SATB1: variants seen among roughly 807,000 people sequenced by gnomAD.
SATB1 encodes the protein DNA-binding protein SATB1.
A neutral mutation model predicts 86.9 loss-of-function variants in SATB1; 11 were observed. That is an observed-to-expected ratio of 0.13 (90% CI 0.08 to 0.21). SATB1 has a LOEUF of 0.21. Among genes scored for constraint, SATB1 ranks in the 10% least tolerant of loss-of-function variants. SATB1 has a pLI of 1.00. For missense variants in SATB1, 551 were observed against 937.6 expected (o/e 0.59, Z 5.39); for synonymous variants, 357 against 357.2 (o/e 1.00, Z 0.01).
At chr3:18,393,565 C>T (rs1335776466) in intron 7 of SATB1, among the ~76,000 whole-genome samples, 2 of 152,228 alleles carry the variant, frequency 1.3e-5, no homozygotes, top group South Asian at 2.1e-4. Context: ...TAGATAGTAC[C>T]TTCACAGGAA....
chr3:18,382,121 G>C (rs1207586903), intron 8 of SATB1, among the ~76,000 whole-genome samples: 2 of 152,052 alleles, frequency 1.3e-5, no homozygotes, highest in African/African-American at 2.4e-5. Flanking sequence ...ATATCGTAGA[G>C]GGATTTCTTG....
At chr3:18,399,044 T>C (rs1470072679) in intron 5 of SATB1, among the ~76,000 whole-genome samples, 2 of 152,234 alleles carry the variant, frequency 1.3e-5, no homozygotes, top group South Asian at 2.1e-4. Flanking sequence ...GTTCTTCCAC[T>C]CTGGTCCAAT....
rs1407381807 is a variant in SATB1 at position 18,345,384 on chromosome 3, C to A, written c.*3786G>T. 1 of 152,026 alleles carries A rather than the reference C, an allele frequency of 6.6e-6. No homozygotes were observed. The highest frequency in any genetic ancestry group is 1.5e-5 in the Non-Finnish European group (1 of 67,910). 9.4% of individuals were successfully genotyped at this position (152,026 alleles called of 1,614,324 possible). A position where few individuals can be genotyped will look rare whatever the true frequency, so the allele number is the denominator to read the frequency against. ...TTAAAAATGTGGCTCATCTTTTAAA[C>A]ATTAATTTCAAACTATTTTTATTTA... is the stretch of plus-strand genomic sequence containing the variant. On this transcript the variant is annotated 3_prime_UTR_variant, in exon 11 of 11. Coordinates refer to ENST00000338745, the MANE Select transcript of SATB1 (RefSeq NM_002971.6).
At chr3:18,403,646 G>T (rs1347262257) in intron 5 of SATB1, among the ~76,000 whole-genome samples, 2 of 152,032 alleles carry the variant, frequency 1.3e-5, no homozygotes, top group African/African-American at 2.4e-5. Context: ...AATGCAAAAT[G>T]TGTATTTAAA....
rs908065870 is a variant in SATB1, at chr3:18,345,770, A to T, written c.*3400T>A. ...ATCAGCTGTATTAGAGGGAATACAC[A>T]TTTTAATTGCTCTTTTTGAAAATAT... On this transcript the variant is annotated 3_prime_UTR_variant, in exon 11 of 11. Transcript: ENST00000338745. The T allele has an allele frequency of 4.6e-5, 7 of 152,148 alleles. No individual in the cohort carries two copies. In the East Asian group the frequency reaches 1.3e-3, roughly 29 times the overall value. The allele number at this position is 152,148 out of a possible 1,614,324, so 9.4% of individuals were successfully genotyped here.
chr3:18,403,409 G>T (rs1013419273), intron 5 of SATB1, among the ~76,000 whole-genome samples: 1 of 152,002 alleles, frequency 6.6e-6, no homozygotes, highest in African/African-American at 2.4e-5. Context: ...TAAGGAATCT[G>T]AATATCTTTT....
chr3:18,370,186 G>C (rs1695395368), intron 9 of SATB1, among the ~76,000 whole-genome samples: 1 of 152,042 alleles, frequency 6.6e-6, no homozygotes, highest in Non-Finnish European at 1.5e-5. Context: ...CCAGAGAGGA[G>C]GAAATAAAAA....
At position 18,349,075 on chromosome 3, in the gene SATB1, T is replaced by C. The variant is rs537643572; in HGVS notation, c.*95A>G. On this transcript the variant is annotated 3_prime_UTR_variant, in exon 11 of 11. Transcript: ENST00000338745. This position sits in a 1 kb window ranked among gnomAD's most constrained non-coding sequence, Gnocchi z 5.5. ...TTTTGAAGATTCATTGGCCAAACAA[T>C]GAACAACAAAGGTTTTCTGAGAGAA... 3.3e-6 allele frequency: 5 copies of C among 1,513,526 alleles called. No individual in the cohort carries two copies. The South Asian group carries it at 4.1e-5, about 12-fold the overall frequency. 93.8% of individuals were successfully genotyped at this position (1,513,526 alleles called of 1,614,324 possible).
chr3:18,380,673 C>T (rs970348997), intron 8 of SATB1, among the ~76,000 whole-genome samples: 2 of 151,868 alleles, frequency 1.3e-5, no homozygotes, highest in Admixed American at 6.5e-5. Context: ...TTTTGTTGGC[C>T]CAGATACACA....
intron 5 of SATB1, among the ~76,000 whole-genome samples, chr3:18,403,266 AT>A (rs887380041): frequency 6.6e-5 from 10 of 151,610 alleles, no homozygotes; most frequent in Non-Finnish European, 7.4e-5. Context: ...TGCTAAAGAG[AT>A]TTTTTTTTCT....
Position 18,443,739 on chromosome 3 carries a change from A to ATATT in SATB1, c.-25+1778_-25+1779insAATA, listed in dbSNP as rs1465762301. 6.6e-6 allele frequency among the ~76,000 whole-genome samples: 1 copy of ATATT among 152,126 alleles called. No individual in the cohort carries two copies. Among genetic ancestry groups the ATATT allele is most frequent in the Non-Finnish European group, 1.5e-5 (1 of 68,018 alleles). On this transcript the variant is annotated intron_variant, in intron 1 of 3. Transcript: ENST00000415069. This position sits in a 1 kb window ranked among gnomAD's most constrained non-coding sequence, Gnocchi z 4.4. ...CCGGGAGCCTTAGCACTGGAGCAATAGGAAAAGGCCACCGCGCTCGGGTCT... is the reference window on the plus strand; with the variant it reads ...CCGGGAGCCTTAGCACTGGAGCAATATATTGGAAAAGGCCACCGCGCTCGGGTCT...
chr3:18,351,423 A>G (rs1182958635), intron 10 of SATB1: 1 of 1,526,708 alleles, frequency 6.6e-7, no homozygotes, highest in Non-Finnish European at 8.8e-7. Flanking sequence ...AGGAAAGACA[A>G]ACAGAGATGA....
At position 18,391,225 on chromosome 3, in the gene SATB1, T is replaced by A. The variant is rs1181173997; in HGVS notation, c.1206+3237A>T. Among the ~76,000 whole-genome samples the A allele has an allele frequency of 2.6e-5, 4 of 152,002 alleles. No individual in the cohort carries two copies. In the East Asian group the frequency reaches 7.7e-4, roughly 29 times the overall value. On this transcript the variant is annotated intron_variant, in intron 7 of 10. Coordinates refer to ENST00000338745, the MANE Select transcript of SATB1 (RefSeq NM_002971.6). ...AATAGTTAAAACCTAAGACCCAGGGTTTTAAAGTTATACAGAGCTTCAATG... is the reference window on the plus strand; with the variant it reads ...AATAGTTAAAACCTAAGACCCAGGGATTTAAAGTTATACAGAGCTTCAATG...
chr3:18,384,350 G>A (rs561143633), intron 8 of SATB1, among the ~76,000 whole-genome samples: 1 of 152,188 alleles, frequency 6.6e-6, no homozygotes, highest in East Asian at 1.9e-4. Context: ...AGCTTGATGA[G>A]TAAGGACACC....
upstream of SATB1, among the ~76,000 whole-genome samples, chr3:18,429,386 AC>A (rs1698816701): frequency 6.6e-6 from 1 of 152,238 alleles, no homozygotes; most frequent in Admixed American, 6.5e-5. This position sits in a 1 kb window ranked among gnomAD's most constrained non-coding sequence, Gnocchi z 4.1. Context: ...TAAACATTGC[AC>A]GCTTCTTCTC....
chr3:18,358,711 A>G (rs7635386), intron 9 of SATB1, among the ~76,000 whole-genome samples: 45,592 of 151,788 alleles, frequency 0.3, 7,939 homozygotes, highest in Non-Finnish European at 0.38. Context: ...TTATTTTTCA[A>G]AGTGTGGTTT....
chr3:18,439,832 G>T (rs1457613719), upstream of SATB1, among the ~76,000 whole-genome samples: 2 of 152,050 alleles, frequency 1.3e-5, no homozygotes, highest in East Asian at 3.9e-4. Context: ...TTTCAAAGGG[G>T]TCTTGAAAAA....
At chr3:18,374,714 C>A (rs570932583) in intron 9 of SATB1, among the ~76,000 whole-genome samples, 1 of 152,088 alleles carries the variant, frequency 6.6e-6, no homozygotes, top group East Asian at 1.9e-4. Flanking sequence ...CTTCTTTTAC[C>A]GAAAATACAC....
intron 5 of SATB1, 101 bp downstream of exon 5, chr3:18,415,010 T>C (rs1368546758): frequency 7.3e-7 from 1 of 1,378,264 alleles, no homozygotes; most frequent in African/African-American, 1.5e-5. Context: ...TGGCAGATTC[T>C]TGCTTCAGAT....
Sources: gnomAD v4.1 joint callset for allele counts (sites outside exome capture counted in the v4.1 genomes callset) on GRCh38, gnomAD v4.1.1 for gene constraint, Gnocchi (gnomAD v3.1) non-coding constraint, MANE v1.5 for transcripts, NCBI Gene and HGNC (gene_info 2026-07-23, HGNC 2026-07-21) for gene names.